Variants in MLIP observed in about 807,000 individuals in gnomAD.
The protein encoded by MLIP is muscular LMNA interacting protein.
MLIP carries 79 observed loss-of-function variants against 84.8 expected under a neutral mutation model. The ratio of observed to expected loss-of-function variants is 0.93; its 90% CI spans 0.78 to 1.12. The LOEUF (loss-of-function observed/expected upper bound fraction) is 1.12, where lower values mean the gene tolerates loss of function less well. MLIP is among the 50% of genes most tolerant of loss of function. MLIP has a pLI of 0.00. For missense variants in MLIP, 1,257 were observed against 1,160.6 expected, an observed-to-expected ratio of 1.08 and a Z score of -1.21; for synonymous variants, 504 against 463.0, an observed-to-expected ratio of 1.09 and a Z score of -1.14.
intron 1 of MLIP, among the ~76,000 whole-genome samples, chr6:54,060,382 T>C (rs1765898322): frequency 6.6e-6 from 1 of 152,230 alleles, no homozygotes; most frequent in Non-Finnish European, 1.5e-5. Context: ...GTTATTCACC[T>C]ATGTTGTAAT....
intron 12 of MLIP, among the ~76,000 whole-genome samples, chr6:54,256,088 C>G (rs573738990): frequency 9.9e-5 from 15 of 152,244 alleles, no homozygotes; most frequent in African/African-American, 3.4e-4. Flanking sequence ...GATCATGCTT[C>G]TATTTAAAGC....
intron 1 of MLIP, among the ~76,000 whole-genome samples, chr6:54,117,654 A>C (rs577527927): frequency 1.3e-5 from 2 of 151,936 alleles, no homozygotes; most frequent in Admixed American, 1.3e-4. Context: ...CTTATATATA[A>C]AAAATTTTAG....
intron 11 of MLIP, among the ~76,000 whole-genome samples, chr6:54,222,791 C>T (rs888817387): frequency 6.6e-6 from 1 of 151,996 alleles, no homozygotes; most frequent in Admixed American, 6.6e-5. Flanking sequence ...TGGGGGGAAA[C>T]TTCATACTGT....
chr6:54,250,852 A>T (rs963463509), intron 12 of MLIP, among the ~76,000 whole-genome samples: 1 of 152,070 alleles, frequency 6.6e-6, no homozygotes, highest in Non-Finnish European at 1.5e-5. Flanking sequence ...ATATGCCTTC[A>T]TCCTTTTAGT....
At chr6:54,125,722 AC>A (rs1233539889) in intron 3 of MLIP, among the ~76,000 whole-genome samples, 1 of 152,174 alleles carries the variant, frequency 6.6e-6, no homozygotes, top group African/African-American at 2.4e-5. Flanking sequence ...CTTGACAATG[AC>A]CACGAATTGT....
At chr6:54,071,065 C>T (rs549588753) in intron 1 of MLIP, among the ~76,000 whole-genome samples, 19 of 152,190 alleles carry the variant, frequency 1.2e-4, no homozygotes, top group South Asian at 4.2e-4. Flanking sequence ...TTAAGACCCA[C>T]GTCTATATAA....
intron 10 of MLIP, among the ~76,000 whole-genome samples, chr6:54,196,796 A>T (rs151221690): frequency 4.3e-3 from 648 of 152,270 alleles, no homozygotes; most frequent in African/African-American, 0.015. Context: ...GTTTCACAGA[A>T]CTTACATTCT....
At chr6:54,258,134 G>A (rs1319033826) in intron 13 of MLIP, among the ~76,000 whole-genome samples, 3 of 151,994 alleles carry the variant, frequency 2.0e-5, no homozygotes, top group African/African-American at 7.2e-5. Flanking sequence ...TCTGAGAAGG[G>A]ACTGGGTGAG....
In MLIP at chr6:54,020,233, G is replaced by A. The variant is rs559606411; in HGVS notation, c.63+1142G>A. On this transcript the variant is annotated intron_variant, in intron 1 of 12. Transcript: ENST00000274897. ...TCAGTTAATTCATGTGTAAGATAGG[G>A]AACAGTAATAACTAATCTGAAGGCT... is the stretch of plus-strand genomic sequence containing the variant. Among the ~76,000 whole-genome samples the A allele has an allele frequency of 1.2e-3, 179 of 152,270 alleles. 1 individual carries two copies. Among genetic ancestry groups the A allele is most frequent in the African/African-American group, 4.2e-3 (176 of 41,550 alleles).
At chr6:54,142,682 T>C (rs1263061031) in intron 4 of MLIP, among the ~76,000 whole-genome samples, 1 of 152,138 alleles carries the variant, frequency 6.6e-6, no homozygotes, top group Non-Finnish European at 1.5e-5. Flanking sequence ...TTCAAATAGA[T>C]AAGTGACCAT....
At chr6:54,161,798 A>G (rs993506066) in intron 8 of MLIP, among the ~76,000 whole-genome samples, 18 of 151,942 alleles carry the variant, frequency 1.2e-4, no homozygotes, top group Admixed American at 4.6e-4. Flanking sequence ...TCACAGGTGG[A>G]TAATTGTAAT....
chr6:54,191,475 G>GT (rs1777913311), intron 10 of MLIP, among the ~76,000 whole-genome samples: 4 of 152,076 alleles, frequency 2.6e-5, no homozygotes, highest in African/African-American at 9.7e-5. Context: ...TGTGTGTGTG[G>GT]GGGGGCAATA....
intron 1 of MLIP, among the ~76,000 whole-genome samples, chr6:54,033,795 G>A (rs948966121): frequency 6.6e-6 from 1 of 152,064 alleles, no homozygotes; most frequent in African/African-American, 2.4e-5. Flanking sequence ...AGTCAAAGAT[G>A]ACATTTACCT....
intron 1 of MLIP, among the ~76,000 whole-genome samples, chr6:54,094,166 C>G (rs1035781387): frequency 1.3e-5 from 2 of 151,336 alleles, no homozygotes; most frequent in African/African-American, 4.9e-5. Flanking sequence ...ATTTAGCTAC[C>G]AGCTTTGAAT....
At chr6:54,159,895 C>T (rs1175626525) in intron 5 of MLIP, among the ~76,000 whole-genome samples, 1 of 152,056 alleles carries the variant, frequency 6.6e-6, no homozygotes, top group Non-Finnish European at 1.5e-5. Context: ...AAGAACAAAG[C>T]TGGAGGCATC....
intron 12 of MLIP, among the ~76,000 whole-genome samples, chr6:54,251,628 AAT>A (rs370088361): frequency 6.5e-5 from 7 of 107,584 alleles, no homozygotes; most frequent in African/African-American, 1.4e-4. Flanking sequence ...ATATAATACA[AAT>A]ATATATATTA....
At chr6:54,222,571 A>G (rs950673784) in intron 11 of MLIP, among the ~76,000 whole-genome samples, 1 of 152,064 alleles carries the variant, frequency 6.6e-6, no homozygotes, top group Non-Finnish European at 1.5e-5. Context: ...AGGCTGATTA[A>G]TATTCCATTA....
chr6:54,059,094 A>C (rs1420184711), intron 1 of MLIP: 2 of 152,224 alleles, frequency 1.3e-5, no homozygotes, highest in Non-Finnish European at 2.9e-5. Context: ...CAAGGCAAAG[A>C]GATAGAGGGA....
chr6:54,185,054 C>A (rs1175590816), intron 9 of MLIP, among the ~76,000 whole-genome samples: 1 of 152,156 alleles, frequency 6.6e-6, no homozygotes, highest in African/African-American at 2.4e-5. Flanking sequence ...ATGTAGCAAC[C>A]TTTTCCCATC....
Sources: allele counts gnomAD v4.1 joint callset (sites outside exome capture counted in the v4.1 genomes callset), GRCh38; gene constraint gnomAD v4.1.1; transcripts MANE v1.5; gene names NCBI Gene and HGNC (gene_info 2026-07-23, HGNC 2026-07-21).